The following ATAD1 variants were observed in gnomAD, a reference collection of about 807,000 sequenced individuals.
ATAD1 encodes outer mitochondrial transmembrane helix translocase.
Under a neutral mutation model 42.7 loss-of-function variants are expected in ATAD1, and 18 were observed. The ratio of observed to expected loss-of-function variants is 0.42; its 90% CI spans 0.29 to 0.63. The LOEUF is 0.63. Among genes scored for constraint, ATAD1 ranks in the 20% least tolerant of loss-of-function variants. The probability of loss-of-function intolerance (pLI) is 0.19; values close to 1 mark genes in which losing one functional copy is unlikely to be tolerated. For missense variants in ATAD1, 294 were observed against 440.4 expected (o/e 0.67, Z 2.98); for synonymous variants, 132 against 143.1 (o/e 0.92, Z 0.55).
intron 5 of ATAD1, among the ~76,000 whole-genome samples, chr10:87,780,288 G>A (rs534027633): frequency 1.6e-4 from 25 of 152,196 alleles, no homozygotes; most frequent in Admixed American, 7.2e-4. Context: ...AAAGATCAGC[G>A]GATGCTAGCA....
In ATAD1 at chr10:87,784,364, CTTTGT is replaced by C. The variant is rs377631776; in HGVS notation, c.583+101_583+105del. ...AGCATATTATGATGTTGGTTATGTT[CTTTGT>C]TTTATTAACATGGCCTAATAAATGT... On this transcript the variant is annotated intron_variant, in intron 5 of 9. Transcript: ENST00000680024. 705 of 1,062,968 alleles carry C rather than the reference CTTTGT, an allele frequency of 6.6e-4. 4 individuals are homozygous for C. The African/African-American group carries it at 0.01, about 15-fold the overall frequency. 65.8% of individuals were successfully genotyped at this position (1,062,968 alleles called of 1,614,324 possible). A position where few individuals can be genotyped will look rare whatever the true frequency, so the allele number is the denominator to read the frequency against.
At chr10:87,805,049 T>C (rs1487453552) in intron 2 of ATAD1, among the ~76,000 whole-genome samples, 3 of 152,362 alleles carry the variant, frequency 2.0e-5, no homozygotes, top group East Asian at 1.9e-4. Context: ...GATGCAACTA[T>C]GTCATCTTCT....
intron 3 of ATAD1, 62 bp from the exon 4 acceptor site, chr10:87,790,492 A>C: frequency 6.7e-7 from 1 of 1,482,892 alleles, no homozygotes; most frequent in Non-Finnish European, 9.0e-7. Context: ...AAGTAAAAAG[A>C]ACGCTCCCAA....
intron 4 of ATAD1, among the ~76,000 whole-genome samples, chr10:87,788,153 T>TG (rs1855926052): frequency 1.3e-5 from 2 of 152,260 alleles, no homozygotes; most frequent in Admixed American, 1.3e-4. Context: ...TTTGTATCTA[T>TG]ACACAATAGT....
intron 6 of ATAD1, among the ~76,000 whole-genome samples, chr10:87,775,692 G>A (rs1056867304): frequency 6.6e-6 from 1 of 152,034 alleles, no homozygotes; most frequent in Non-Finnish European, 1.5e-5. Flanking sequence ...AACCTGAAGA[G>A]GAAAACTGAA....
rs1857331008 is a variant in ATAD1, at chr10:87,814,592, T to C, written c.8A>G (p.His3Arg). 6.2e-7 allele frequency: 1 copy of C among 1,605,552 alleles called. No homozygotes were observed. The highest frequency in any genetic ancestry group is 8.5e-7 in the Non-Finnish European group (1 of 1,176,620). The change falls in exon 2 of 10, where the codon CAT (histidine) becomes CGT (arginine). Residue 3 changes from histidine (H) to arginine (R), a missense_variant. By Grantham distance (29) the His-to-Arg change is conservative (BLOSUM62 0). Transcript: ENST00000680024. MV[H>R]AEAFSRPLSR... is the part of the protein sequence containing the mutation. ...CAAAGGACGAGAAAAGGCTTCAGCA[T>C]GTACCATCTTGAATGTTAACCTTAA...
intron 1 of ATAD1, among the ~76,000 whole-genome samples, chr10:87,836,303 A>G (rs1857928963): frequency 6.6e-6 from 1 of 152,056 alleles, no homozygotes. Flanking sequence ...TTGATGTTTC[A>G]GGTTACCTTA....
intron 1 of ATAD1, among the ~76,000 whole-genome samples, chr10:87,815,470 T>A (rs1024379040): frequency 6.6e-6 from 1 of 152,098 alleles, no homozygotes; most frequent in Non-Finnish European, 1.5e-5. Context: ...ACTGCCATTA[T>A]ACTCTCAGCA....
In ATAD1 at chr10:87,824,861, T is replaced by C. The variant is rs557505984; in HGVS notation, c.-13-10249A>G. Among the ~76,000 whole-genome samples, 34 of 152,332 alleles carry C rather than the reference T, an allele frequency of 2.2e-4. 1 individual carries two copies. The East Asian group carries it at 6.6e-3, about 29-fold the overall frequency. On this transcript the variant is annotated intron_variant, in intron 1 of 4. Coordinates refer to the ATAD1 transcript ENST00000495903. Reference sequence around the variant, plus strand: ...CACCCCTCTGGCTGAGTCTTACTGATCAGTAGTCTATAAAACATTTATGAT... The same window carrying C: ...CACCCCTCTGGCTGAGTCTTACTGACCAGTAGTCTATAAAACATTTATGAT...
chr10:87,796,698 T>C lies in ATAD1; in HGVS notation c.163-3943A>G, dbSNP rs146993281. Among the ~76,000 whole-genome samples the C allele has an allele frequency of 4.7e-3, 713 of 152,330 alleles. 5 individuals are homozygous for C. The highest frequency in any genetic ancestry group is 5.3e-3 in the Non-Finnish European group (360 of 68,028). On this transcript the variant is annotated intron_variant, in intron 2 of 9. Coordinates refer to ENST00000680024, the MANE Select transcript of ATAD1 (RefSeq NM_001321967.2). Reference sequence around the variant, plus strand: ...TGTCTCAGATATGTGGGGTTCACATTTTGGTGACCATGAAGGGATTCTGAG... The same window carrying C: ...TGTCTCAGATATGTGGGGTTCACATCTTGGTGACCATGAAGGGATTCTGAG...
intron 2 of ATAD1, among the ~76,000 whole-genome samples, chr10:87,800,545 T>A (rs992342312): frequency 4.6e-5 from 7 of 152,166 alleles, no homozygotes; most frequent in African/African-American, 1.7e-4. Flanking sequence ...TATTTTATGG[T>A]TTATTGAAAC....
At chr10:87,793,659 A>G (rs1856236152) in intron 2 of ATAD1, among the ~76,000 whole-genome samples, 1 of 152,224 alleles carries the variant, frequency 6.6e-6, no homozygotes. Context: ...GATTTCTTCA[A>G]TTTTAAGACT....
intron 4 of ATAD1, among the ~76,000 whole-genome samples, chr10:87,785,700 G>A (rs1053680927): frequency 6.6e-6 from 1 of 150,420 alleles, no homozygotes; most frequent in East Asian, 1.9e-4. Flanking sequence ...AAATAATTTT[G>A]TATGAAAATT....
intron 5 of ATAD1, among the ~76,000 whole-genome samples, chr10:87,777,413 C>T (rs1354137048): frequency 6.6e-6 from 1 of 151,876 alleles, no homozygotes; most frequent in South Asian, 2.1e-4. Flanking sequence ...TGGAAATATA[C>T]CAAAATGCTA....
intron 7 of ATAD1, among the ~76,000 whole-genome samples, chr10:87,768,194 G>A (rs1313375328): frequency 6.6e-6 from 1 of 152,110 alleles, no homozygotes; most frequent in Non-Finnish European, 1.5e-5. Flanking sequence ...ATTTAGTGCT[G>A]ATGATATATT....
At chr10:87,763,492 C>T (rs896941093) in intron 8 of ATAD1, among the ~76,000 whole-genome samples, 2 of 152,186 alleles carry the variant, frequency 1.3e-5, no homozygotes, top group Non-Finnish European at 2.9e-5. Context: ...GACCCTTTCT[C>T]TACAAGAAGA....
chr10:87,763,131 T>C (rs1260895729), intron 8 of ATAD1, among the ~76,000 whole-genome samples: 1 of 150,438 alleles, frequency 6.6e-6, no homozygotes, highest in Non-Finnish European at 1.5e-5. Flanking sequence ...ACTGATTTCT[T>C]ATCTAGGACC....
At chr10:87,767,771 T>A (rs1854831832) in intron 7 of ATAD1, 48 bp from the exon 8 acceptor site, 2 of 1,532,620 alleles carry the variant, frequency 1.3e-6, no homozygotes, top group Non-Finnish European at 1.8e-6. Flanking sequence ...TTTATTTTTT[T>A]AAAAAGATCA....
At chr10:87,756,157 G>A (rs1016617824) in intron 9 of ATAD1, among the ~76,000 whole-genome samples, 5 of 152,198 alleles carry the variant, frequency 3.3e-5, no homozygotes, top group Admixed American at 2.0e-4. Context: ...AGGGACAAGA[G>A]TTGGAGAATT....
Sources: allele counts gnomAD v4.1 joint callset (sites outside exome capture counted in the v4.1 genomes callset), GRCh38; gene constraint gnomAD v4.1.1; transcripts MANE v1.5; gene names NCBI Gene and HGNC (gene_info 2026-07-23, HGNC 2026-07-21).